GRIK1: variants seen among roughly 807,000 people sequenced by gnomAD.
The protein encoded by GRIK1 is glutamate ionotropic receptor kainate type subunit 1.
GRIK1 carries 69 observed loss-of-function variants against 105.7 expected under a neutral mutation model. The observed-to-expected ratio is 0.65, with a 90% CI of 0.54 to 0.80. The LOEUF (loss-of-function observed/expected upper bound fraction) is 0.80. Among genes scored for constraint, GRIK1 ranks in the 30% least tolerant of loss-of-function variants. The pLI is 0.00. For synonymous variants in GRIK1, 438 were observed against 431.3 expected (o/e 1.02, Z -0.19); for missense variants, 1,109 against 1,167.3 (o/e 0.95, Z 0.73).
intron 1 of GRIK1, among the ~76,000 whole-genome samples, chr21:29,827,498 A>T (rs1041953282): frequency 6.6e-6 from 1 of 152,126 alleles, no homozygotes; most frequent in Admixed American, 6.6e-5. Context: ...CAGATTTGAT[A>T]TAATGTTCAG....
intron 1 of GRIK1, among the ~76,000 whole-genome samples, chr21:29,876,474 C>T (rs1242443622): frequency 6.6e-6 from 1 of 152,140 alleles, no homozygotes; most frequent in Non-Finnish European, 1.5e-5. Flanking sequence ...CCAGAATCTA[C>T]CCCCTACTGG....
At chr21:29,642,291 C>T (rs551456260) in intron 7 of GRIK1, among the ~76,000 whole-genome samples, 1 of 152,222 alleles carries the variant, frequency 6.6e-6, no homozygotes, top group Non-Finnish European at 1.5e-5. Flanking sequence ...ATACCCCATA[C>T]TCTCAAAAAT....
chr21:29,773,239 G>T (rs550175797), intron 1 of GRIK1, among the ~76,000 whole-genome samples: 1 of 152,312 alleles, frequency 6.6e-6, no homozygotes, highest in South Asian at 2.1e-4. Flanking sequence ...TTCTGCAAGC[G>T]AGAGGACTGG....
chr21:29,934,554 A>G (rs1302154805), intron 1 of GRIK1, among the ~76,000 whole-genome samples: 1 of 152,200 alleles, frequency 6.6e-6, no homozygotes, highest in Non-Finnish European at 1.5e-5. Context: ...GCTTTTAGTT[A>G]TTCCAGGTAA....
At chr21:29,859,624 G>T (rs565921980) in intron 1 of GRIK1, among the ~76,000 whole-genome samples, 1 of 152,258 alleles carries the variant, frequency 6.6e-6, no homozygotes, top group African/African-American at 2.4e-5. Flanking sequence ...TAATGCACTT[G>T]GCCAGTTGAC....
intron 1 of GRIK1, among the ~76,000 whole-genome samples, chr21:29,867,912 G>A (rs1390108289): frequency 0.011 from 1,528 of 135,806 alleles, 43 homozygotes; most frequent in African/African-American, 0.047. Context: ...GAAAGAAAGA[G>A]AGAGAAAGAG....
intron 1 of GRIK1, among the ~76,000 whole-genome samples, chr21:29,924,153 C>T (rs930620480): frequency 6.6e-6 from 1 of 151,844 alleles, no homozygotes; most frequent in East Asian, 1.9e-4. Context: ...GCCTGGCCAA[C>T]GTGGTGAAAC....
intron 7 of GRIK1, among the ~76,000 whole-genome samples, chr21:29,632,804 TA>T (rs1404436261): frequency 6.6e-6 from 1 of 152,206 alleles, no homozygotes; most frequent in African/African-American, 2.4e-5. Flanking sequence ...TCATATAAAC[TA>T]AGAAGAGTTT....
intron 4 of GRIK1, among the ~76,000 whole-genome samples, chr21:29,655,408 CAA>C (rs542773946): frequency 1.5e-5 from 2 of 135,820 alleles, no homozygotes; most frequent in Non-Finnish European, 3.2e-5. Flanking sequence ...AACTCCGTCT[CAA>C]AAAAAAAAAA....
chr21:29,787,366 G>C (rs2066285706), intron 1 of GRIK1, among the ~76,000 whole-genome samples: 1 of 152,150 alleles, frequency 6.6e-6, no homozygotes, highest in Non-Finnish European at 1.5e-5. Context: ...TCAAGGGAGA[G>C]CATCTTATAT....
chr21:29,802,200 C>G (rs772037274), intron 1 of GRIK1, among the ~76,000 whole-genome samples: 1 of 152,110 alleles, frequency 6.6e-6, no homozygotes, highest in Non-Finnish European at 1.5e-5. Flanking sequence ...GGAGTCAGAG[C>G]TCTCAGTTTT....
At chr21:29,616,188 C>A (rs1033659734) in intron 7 of GRIK1, among the ~76,000 whole-genome samples, 9 of 152,168 alleles carry the variant, frequency 5.9e-5, no homozygotes, top group Non-Finnish European at 1.2e-4. Flanking sequence ...ACTCTTCTAA[C>A]ATGGAACAAA....
chr21:29,807,279 C>T (rs543055173), intron 1 of GRIK1, among the ~76,000 whole-genome samples: 10 of 151,998 alleles, frequency 6.6e-5, no homozygotes, highest in South Asian at 6.2e-4. Context: ...TTCCCTGTGG[C>T]GGCTGTGGGG....
intron 1 of GRIK1, among the ~76,000 whole-genome samples, chr21:29,817,256 A>G (rs1015823652): frequency 4.6e-5 from 7 of 152,156 alleles, no homozygotes; most frequent in African/African-American, 1.7e-4. Context: ...ATAAAAGTTC[A>G]TGAGTACATA....
At chr21:29,858,554 G>T (rs1367999305) in intron 1 of GRIK1, among the ~76,000 whole-genome samples, 1 of 152,156 alleles carries the variant, frequency 6.6e-6, no homozygotes, top group Non-Finnish European at 1.5e-5. Flanking sequence ...AGGTCTCCCA[G>T]TTGCAGCTGG....
chr21:29,786,550 C>G (rs566234783), intron 1 of GRIK1, among the ~76,000 whole-genome samples: 1 of 152,214 alleles, frequency 6.6e-6, no homozygotes, highest in South Asian at 2.1e-4. Flanking sequence ...GAAATCATCC[C>G]TATATCCTTC....
intron 1 of GRIK1, among the ~76,000 whole-genome samples, chr21:29,797,165 A>G (rs1601721468): frequency 6.6e-6 from 1 of 152,122 alleles, no homozygotes; most frequent in Admixed American, 6.6e-5. Flanking sequence ...TCAGAGATAC[A>G]CTGACCTTTT....
Position 29,537,812 on chromosome 21 carries a change from G to C in GRIK1, c.2680C>G (p.Leu894Val). 1 of 1,513,068 alleles carries C rather than the reference G, an allele frequency of 6.6e-7. No homozygotes were observed. The highest frequency in any genetic ancestry group is 9.2e-7 in the Non-Finnish European group (1 of 1,089,618). The allele number at this position is 1,513,068 out of a possible 1,614,324, so 93.7% of individuals were successfully genotyped here. A position where few individuals can be genotyped will look rare whatever the true frequency, so the allele number is the denominator to read the frequency against. Reference protein sequence around the residue: ...VRFHGRKKQSLGVEKCLSFNA... With the variant: ...VRFHGRKKQSVGVEKCLSFNA... ...AATGAACAAACCTTCTCTACACCAA[G>C]GCTTTGTTTTTTTCTCCCATGAAAC... Residue 894 changes from leucine to valine, a missense_variant, in exon 17 of 18, where the codon CTT becomes GTT. By Grantham distance (32) the Leu-to-Val change is conservative (BLOSUM62 1). This residue lies in a region of GRIK1 where 161 missense variants were observed against 143.4 expected (regional missense o/e 1.12). Coordinates refer to ENST00000327783, the MANE Select transcript of GRIK1 (RefSeq NM_001330994.2).
intron 1 of GRIK1, among the ~76,000 whole-genome samples, chr21:29,863,911 T>G (rs2068724461): frequency 6.6e-6 from 1 of 152,206 alleles, no homozygotes; most frequent in African/African-American, 2.4e-5. Flanking sequence ...ATTAAATAAT[T>G]TATTAGTTCG....
Sources: gnomAD v4.1 joint callset for allele counts (sites outside exome capture counted in the v4.1 genomes callset) on GRCh38, gnomAD v4.1.1 for gene constraint, gnomAD v4.1.1 regional missense constraint, MANE v1.5 for transcripts, NCBI Gene and HGNC (gene_info 2026-07-23, HGNC 2026-07-21) for gene names.